Variants in LIMA1 observed in about 807,000 individuals in gnomAD.
The protein encoded by LIMA1 is LIM domain and actin-binding protein 1.
Under a neutral mutation model 62.6 loss-of-function variants are expected in LIMA1, and 52 were observed. The ratio of observed to expected loss-of-function variants is 0.83; its 90% confidence interval spans 0.67 to 1.05. The LOEUF (loss-of-function observed/expected upper bound fraction) is 1.05. LIMA1 is among the 50% of genes least tolerant of loss of function. LIMA1 has a pLI of 0.00. For synonymous variants in LIMA1, 302 were observed against 317.8 expected (o/e 0.95, Z 0.53); for missense variants, 780 against 902.2 (o/e 0.86, Z 1.74).
intron 1 of LIMA1, among the ~76,000 whole-genome samples, chr12:50,259,003 T>A (rs1942033272): frequency 6.6e-6 from 1 of 152,200 alleles, no homozygotes; most frequent in South Asian, 2.1e-4. Context: ...CAGTCTAGCA[T>A]CACAAGGTTC....
At chr12:50,261,030 G>T (rs1942061190) in intron 1 of LIMA1, among the ~76,000 whole-genome samples, 2 of 100,590 alleles carry the variant, frequency 2.0e-5, no homozygotes, top group East Asian at 3.4e-4. Context: ...TTGCTTTTCT[G>T]CCATCTAGTA....
At chr12:50,277,181 G>C (rs1419544012) in intron 1 of LIMA1, among the ~76,000 whole-genome samples, 1 of 151,974 alleles carries the variant, frequency 6.6e-6, no homozygotes, top group East Asian at 1.9e-4. Flanking sequence ...TCAGTCTATG[G>C]GAGTGCCTAA....
chr12:50,246,125 G>A (rs529222321), intron 2 of LIMA1, among the ~76,000 whole-genome samples: 6 of 151,820 alleles, frequency 4.0e-5, no homozygotes, highest in African/African-American at 1.4e-4. Context: ...CCAGCTACTC[G>A]GGAGGCTGAG....
At chr12:50,178,509 T>G (rs554221699) in intron 10 of LIMA1, among the ~76,000 whole-genome samples, 3 of 149,914 alleles carry the variant, frequency 2.0e-5, no homozygotes, top group Non-Finnish European at 4.4e-5. Context: ...ATTGTGCCAC[T>G]GTGATAGAGC....
intron 1 of LIMA1, among the ~76,000 whole-genome samples, chr12:50,277,127 G>C (rs570437026): frequency 4.6e-5 from 7 of 152,168 alleles, no homozygotes; most frequent in Non-Finnish European, 7.4e-5. Context: ...TTGTGGCACA[G>C]GTCAGCAGGG....
At position 50,177,944 on chromosome 12, in the gene LIMA1, C is replaced by A. The variant is rs751181087; in HGVS notation, c.1400G>T (p.Ser467Ile). ...CAAAATCTCTTCGTTTTCATTTTTG[C>A]TTGCCCATAGATCCTTGTGTGGTCT... ...GHRPHKDLWASKNENEEILER... is the reference protein window; with the variant it reads ...GHRPHKDLWAIKNENEEILER... The change falls in exon 11 of 11, where the codon AGC (serine) becomes ATC (isoleucine). Residue 467 changes from serine to isoleucine, a missense_variant. By Grantham distance (142) the Ser-to-Ile change is moderately radical (BLOSUM62 -2). Transcript: ENST00000341247. The A allele has an allele frequency of 2.5e-6, 4 of 1,614,014 alleles. No individual in the cohort carries two copies. The Admixed American group carries it at 6.7e-5, about 27-fold the overall frequency.
At chr12:50,247,785 T>C (rs1034844170) in intron 2 of LIMA1, among the ~76,000 whole-genome samples, 7 of 151,962 alleles carry the variant, frequency 4.6e-5, no homozygotes, top group Admixed American at 4.6e-4. Context: ...TGTGCCACCA[T>C]GCTCGACTAA....
intron 2 of LIMA1, among the ~76,000 whole-genome samples, chr12:50,245,425 AAAAG>A (rs1443126309): frequency 6.6e-6 from 1 of 151,538 alleles, no homozygotes; most frequent in African/African-American, 2.4e-5. Flanking sequence ...AAAAAAAAAA[AAAAG>A]AGAGAGAGAG....
At chr12:50,263,880 G>GTATA (rs530007792) in intron 1 of LIMA1, among the ~76,000 whole-genome samples, 2 of 106,648 alleles carry the variant, frequency 1.9e-5, no homozygotes, top group African/African-American at 3.7e-5. Context: ...TATATATAAA[G>GTATA]TATATATATA....
At chr12:50,224,737 A>T (rs1941499782) in intron 3 of LIMA1, among the ~76,000 whole-genome samples, 1 of 151,218 alleles carries the variant, frequency 6.6e-6, no homozygotes, top group Non-Finnish European at 1.5e-5. Context: ...TCCTATTTTA[A>T]TTTTTTTTTA....
intron 3 of LIMA1, among the ~76,000 whole-genome samples, chr12:50,225,090 C>T (rs887433652): frequency 2.6e-5 from 4 of 151,870 alleles, no homozygotes; most frequent in Middle Eastern, 3.4e-3. Context: ...TTAGTAGAGA[C>T]GGGGTTTCTC....
At chr12:50,240,002 AT>A (rs1941751611) in intron 2 of LIMA1, among the ~76,000 whole-genome samples, 1 of 85,430 alleles carries the variant, frequency 1.2e-5, no homozygotes. Context: ...TCAAAATAAC[AT>A]AACATAACAT....
chr12:50,201,084 G>T (rs1941039958), intron 6 of LIMA1, 200 bp from the exon 7 acceptor site: 3 of 1,368,198 alleles, frequency 2.2e-6, no homozygotes, highest in Non-Finnish European at 2.8e-6. Context: ...ATACCTCAGA[G>T]TTAAATATCT....
intron 9 of LIMA1, among the ~76,000 whole-genome samples, chr12:50,184,982 C>T (rs973490259): frequency 6.6e-6 from 1 of 152,110 alleles, no homozygotes; most frequent in African/African-American, 2.4e-5. Flanking sequence ...CAGGCGTGCA[C>T]CACCACACTC....
At chr12:50,193,570 GA>G (rs1455133473) in intron 8 of LIMA1, among the ~76,000 whole-genome samples, 1 of 114,458 alleles carries the variant, frequency 8.7e-6, no homozygotes, top group African/African-American at 3.5e-5. Context: ...ATGTATATAT[GA>G]TATATATATA....
Position 50,251,753 on chromosome 12 carries a change from C to T in LIMA1, c.-23-2979G>A, listed in dbSNP as rs369376508. ...GTCCGTGGTTTTGATTACTCCCAGC[C>T]AGAAAGTTAAGAAAAGTCAGAACAT... On this transcript the variant is annotated intron_variant, in intron 1 of 10. Coordinates refer to ENST00000341247, the MANE Select transcript of LIMA1 (RefSeq NM_016357.5). Among the ~76,000 whole-genome samples, 127 of 152,182 alleles carry T rather than the reference C, an allele frequency of 8.3e-4. 1 individual carries two copies. The highest frequency in any genetic ancestry group is 1.7e-3 in the Non-Finnish European group (113 of 68,006).
intron 1 of LIMA1, among the ~76,000 whole-genome samples, chr12:50,262,003 AAT>A (rs955387721): frequency 2.0e-5 from 3 of 152,186 alleles, no homozygotes; most frequent in South Asian, 2.1e-4. Context: ...GAAATCAAAC[AAT>A]AGAGTAGGTT....
rs34408114 is a variant in LIMA1 at position 50,217,905 on chromosome 12, C to CT, written c.630+4115dup. On this transcript the variant is annotated intron_variant, in intron 4 of 10. Transcript: ENST00000341247. Reference sequence around the variant, plus strand: ...GCATTTCAAGTGATGAATTTCTTTTCTTTTTTTTTTTTTTTTTTTGAGACG... The same window carrying CT: ...GCATTTCAAGTGATGAATTTCTTTTCTTTTTTTTTTTTTTTTTTTTGAGACG... The CT allele has an allele frequency of 7.5e-3, 938 of 124,792 alleles. 3 individuals carry two copies. The highest frequency in any genetic ancestry group is 0.021 in the South Asian group (89 of 4,300). The allele number at this position is 124,792 out of a possible 1,614,324, so 7.7% of individuals were successfully genotyped here. A position where few individuals can be genotyped will look rare whatever the true frequency, so the allele number is the denominator to read the frequency against.
chr12:50,259,380 T>A (rs1592561553), intron 1 of LIMA1, among the ~76,000 whole-genome samples: 1 of 152,206 alleles, frequency 6.6e-6, no homozygotes, highest in African/African-American at 2.4e-5. Context: ...CCTTCTGACA[T>A]CTAGTATTTA....
Sources: gnomAD v4.1 joint callset for allele counts (sites outside exome capture counted in the v4.1 genomes callset) on GRCh38, gnomAD v4.1.1 for gene constraint, MANE v1.5 for transcripts, NCBI Gene and HGNC (gene_info 2026-07-23, HGNC 2026-07-21) for gene names.